The following ADCY2 variants were observed in gnomAD, a reference collection of about 807,000 sequenced individuals.
ADCY2 encodes adenylate cyclase 2.
Under a neutral mutation model 125.2 loss-of-function variants are expected in ADCY2, and 31 were observed. That is an observed-to-expected ratio of 0.25 (90% CI 0.19 to 0.33). ADCY2 has a LOEUF of 0.33. ADCY2 is among the 10% of genes least tolerant of loss of function. ADCY2 has a pLI of 1.00. For missense variants in ADCY2, 904 were observed against 1,418.2 expected (o/e 0.64, Z 5.82); for synonymous variants, 512 against 548.4 (o/e 0.93, Z 0.93).
At chr5:7,718,907 G>C (rs1741678358) in intron 12 of ADCY2, among the ~76,000 whole-genome samples, 1 of 152,116 alleles carries the variant, frequency 6.6e-6, no homozygotes. Flanking sequence ...AGAGGAAATA[G>C]CATCTGATAC....
chr5:7,693,406 GT>G (rs139450063), intron 5 of ADCY2, among the ~76,000 whole-genome samples: 1 of 58,658 alleles, frequency 1.7e-5, no homozygotes, highest in Non-Finnish European at 3.6e-5. Context: ...ATTGCCTGCT[GT>G]TTTTTGTTTT....
At chr5:7,615,590 ATATT>A (rs907983751) in intron 3 of ADCY2, among the ~76,000 whole-genome samples, 16 of 152,134 alleles carry the variant, frequency 1.1e-4, no homozygotes, top group Non-Finnish European at 2.1e-4. Flanking sequence ...ATTAATTTGT[ATATT>A]TATTTACTTC....
chr5:7,657,749 C>T (rs1561149343), intron 4 of ADCY2, among the ~76,000 whole-genome samples: 1 of 152,352 alleles, frequency 6.6e-6, no homozygotes, highest in East Asian at 1.9e-4. Context: ...ATAGAAATGT[C>T]TCCTCACCAT....
chr5:7,800,806 G>C (rs1380760957), intron 20 of ADCY2: 1 of 152,154 alleles, frequency 6.6e-6, no homozygotes, highest in African/African-American at 2.4e-5. Flanking sequence ...CCTGTTCTCT[G>C]ACCCCTGGCT....
At chr5:7,689,742 AATGTGATAGATAAAG>A (rs1740646561) in intron 4 of ADCY2, among the ~76,000 whole-genome samples, 1 of 152,180 alleles carries the variant, frequency 6.6e-6, no homozygotes, top group Non-Finnish European at 1.5e-5. Context: ...AAAGACAGAC[AATGTGATAGATAAAG>A]ATGTGATAGA....
At chr5:7,697,740 G>A (rs982749567) in intron 6 of ADCY2, among the ~76,000 whole-genome samples, 3 of 152,160 alleles carry the variant, frequency 2.0e-5, no homozygotes, top group African/African-American at 7.2e-5. Context: ...CAGCTTATTA[G>A]GTGTGGTAAT....
At chr5:7,678,800 C>A (rs1740219228) in intron 4 of ADCY2, among the ~76,000 whole-genome samples, 1 of 152,176 alleles carries the variant, frequency 6.6e-6, no homozygotes, top group Non-Finnish European at 1.5e-5. Flanking sequence ...ACCCATTGTC[C>A]ACTTAAAGAG....
chr5:7,500,213 A>G (rs1561059436), intron 2 of ADCY2, among the ~76,000 whole-genome samples: 1 of 152,248 alleles, frequency 6.6e-6, no homozygotes, highest in Non-Finnish European at 1.5e-5. Flanking sequence ...GGTTATAATC[A>G]TGAGTCCACA....
chr5:7,805,043 C>T (rs537368089), intron 22 of ADCY2, among the ~76,000 whole-genome samples: 15 of 152,060 alleles, frequency 9.9e-5, no homozygotes, highest in African/African-American at 1.4e-4. Context: ...AGGCCGTGTG[C>T]GGTGGCTCAC....
intron 2 of ADCY2, among the ~76,000 whole-genome samples, chr5:7,461,078 T>C (rs754019259): frequency 3.3e-5 from 5 of 152,102 alleles, no homozygotes; most frequent in Non-Finnish European, 7.4e-5. Flanking sequence ...ACTGCCCCCA[T>C]TCCCATCATG....
chr5:7,669,632 A>G (rs1254495298), intron 4 of ADCY2, among the ~76,000 whole-genome samples: 1 of 152,202 alleles, frequency 6.6e-6, no homozygotes, highest in Non-Finnish European at 1.5e-5. Context: ...CATTTCATGT[A>G]AAAAAGGTAA....
intron 2 of ADCY2, among the ~76,000 whole-genome samples, chr5:7,480,592 G>A (rs1742691771): frequency 6.6e-6 from 1 of 152,020 alleles, no homozygotes; most frequent in African/African-American, 2.4e-5. Flanking sequence ...CACACACGGG[G>A]GCCTATTGGA....
At position 7,829,322 on chromosome 5, in the gene ADCY2, CAG is replaced by C. The variant is rs763436897; in HGVS notation, c.*2452_*2453del. ...CCCAGTGTTTTTGCAGGTGAGGAAA[CAG>C]GGGCAGAGTAATTCAGGCACATGTG... On this transcript the variant is annotated 3_prime_UTR_variant, in exon 25 of 25. Coordinates refer to ENST00000338316, the MANE Select transcript of ADCY2 (RefSeq NM_020546.3). The C allele has an allele frequency of 7.2e-5, 11 of 152,642 alleles. No homozygotes were observed. The highest frequency in any genetic ancestry group is 1.2e-4 in the African/African-American group (5 of 41,434). The allele number at this position is 152,642 out of a possible 1,614,324, so 9.5% of individuals were successfully genotyped here.
chr5:7,654,021 A>G (rs1427958984), intron 4 of ADCY2: 3 of 455,984 alleles, frequency 6.6e-6, no homozygotes, highest in Middle Eastern at 3.2e-4. Flanking sequence ...GAGGTCATGG[A>G]CCTGCGCTGG....
chr5:7,547,339 T>C (rs1022809902), intron 3 of ADCY2, among the ~76,000 whole-genome samples: 7 of 152,204 alleles, frequency 4.6e-5, no homozygotes, highest in African/African-American at 1.7e-4. Context: ...TCCCCTTTCT[T>C]TCCCTGCTGA....
chr5:7,812,992 C>T (rs1314850034), intron 22 of ADCY2, among the ~76,000 whole-genome samples: 1 of 152,240 alleles, frequency 6.6e-6, no homozygotes, highest in East Asian at 1.9e-4. Context: ...TTAAATGACT[C>T]TACCAAGGCC....
At chr5:7,570,951 G>A (rs922494118) in intron 3 of ADCY2, among the ~76,000 whole-genome samples, 9 of 152,094 alleles carry the variant, frequency 5.9e-5, no homozygotes, top group Non-Finnish European at 1.2e-4. Context: ...CACTCTCCTT[G>A]TTAATGCATT....
At chr5:7,677,339 C>G (rs541405725) in intron 4 of ADCY2, among the ~76,000 whole-genome samples, 1 of 152,224 alleles carries the variant, frequency 6.6e-6, no homozygotes, top group East Asian at 1.9e-4. Context: ...TTCCACCAAG[C>G]CTTTGGAACC....
chr5:7,422,043 C>T (rs1178448774), intron 2 of ADCY2, among the ~76,000 whole-genome samples: 1 of 152,150 alleles, frequency 6.6e-6, no homozygotes, highest in Non-Finnish European at 1.5e-5. Flanking sequence ...CCCTTCCTGT[C>T]ATGGAAGTGT....
Sources: allele counts gnomAD v4.1 joint callset (sites outside exome capture counted in the v4.1 genomes callset), GRCh38; gene constraint gnomAD v4.1.1; transcripts MANE v1.5; gene names NCBI Gene and HGNC (gene_info 2026-07-23, HGNC 2026-07-21).